Variants in INPP5A observed in about 807,000 individuals in gnomAD.
INPP5A encodes the protein inositol polyphosphate-5-phosphatase A.
A neutral mutation model predicts 65.2 loss-of-function variants in INPP5A; 14 were observed. The observed-to-expected ratio is 0.21, with a 90% CI of 0.14 to 0.34. INPP5A has a LOEUF of 0.34. INPP5A is among the 10% of genes least tolerant of loss of function. The probability of loss-of-function intolerance (pLI) is 1.00; values close to 1 mark genes in which losing one functional copy is unlikely to be tolerated. For synonymous variants in INPP5A, 207 were observed against 208.3 expected (o/e 0.99, Z 0.05); for missense variants, 431 against 545.6 (o/e 0.79, Z 2.09).
At chr10:132,585,410 G>A (rs2133305380) in intron 1 of INPP5A, among the ~76,000 whole-genome samples, 1 of 152,300 alleles carries the variant, frequency 6.6e-6, no homozygotes, top group Admixed American at 6.5e-5. Flanking sequence ...GCCGTATATT[G>A]TCCTAGTTGT....
At chr10:132,585,994 G>A (rs1392198912) in intron 1 of INPP5A, among the ~76,000 whole-genome samples, 8 of 152,172 alleles carry the variant, frequency 5.3e-5, no homozygotes, top group African/African-American at 1.7e-4. Flanking sequence ...CTTGGAACTG[G>A]AGGCCTCCCT....
At chr10:132,731,815 T>C (rs1564988957) in intron 9 of INPP5A, among the ~76,000 whole-genome samples, 1 of 152,244 alleles carries the variant, frequency 6.6e-6, no homozygotes, top group African/African-American at 2.4e-5. Flanking sequence ...ATGTGCTCTG[T>C]GGTTATCACC....
intron 2 of INPP5A, among the ~76,000 whole-genome samples, chr10:132,638,932 C>G (rs1590886384): frequency 6.6e-6 from 1 of 152,090 alleles, no homozygotes; most frequent in South Asian, 2.1e-4. Flanking sequence ...ATATAAGTTA[C>G]ATATATATAT....
chr10:132,579,413 C>T (rs1016677282), intron 1 of INPP5A, among the ~76,000 whole-genome samples: 1 of 152,016 alleles, frequency 6.6e-6, no homozygotes, highest in Non-Finnish European at 1.5e-5. Flanking sequence ...GCAGCTGCAC[C>T]GGTGGCTCTG....
In INPP5A at chr10:132,575,086, C is replaced by T. The variant is rs564407008; in HGVS notation, c.76-32829C>T. On this transcript the variant is annotated intron_variant, in intron 1 of 15. Coordinates refer to ENST00000368594, the MANE Select transcript of INPP5A (RefSeq NM_005539.5). The surrounding 1 kb of genome is among the most constrained non-coding windows in gnomAD (Gnocchi z 5.4). ...GGGTGTCCGTGGAAAACACATGATG[C>T]CAGGTCCACAGGGTGACAGGTGACA... is the stretch of plus-strand genomic sequence containing the variant. Among the ~76,000 whole-genome samples the T allele has an allele frequency of 7.9e-5, 12 of 152,294 alleles. No homozygotes were observed. The highest frequency in any genetic ancestry group is 2.9e-4 in the African/African-American group (12 of 41,560).
In INPP5A at chr10:132,650,529, G is replaced by A. The variant is rs544959296; in HGVS notation, c.306+24G>A. 1 of 1,546,042 alleles carries A rather than the reference G, an allele frequency of 6.5e-7. No individual in the cohort carries two copies. The highest frequency in any genetic ancestry group is 8.9e-7 in the Non-Finnish European group (1 of 1,119,784). On this transcript the variant is annotated intron_variant, in intron 4 of 15. Transcript: ENST00000368594. The surrounding 1 kb of genome is among the most constrained non-coding windows in gnomAD (Gnocchi z 5.5). ...CGGTGAGTCCCTCCCGCTGCCTGGT[G>A]CAGGGGTCAGACAGGCTGGCCTTGG...
At chr10:132,599,401 C>T (rs760248248) in intron 1 of INPP5A, among the ~76,000 whole-genome samples, 17 of 152,266 alleles carry the variant, frequency 1.1e-4, no homozygotes, top group Non-Finnish European at 1.8e-4. Context: ...TCCTTTGACT[C>T]CTGGTCTCAC....
intron 1 of INPP5A, among the ~76,000 whole-genome samples, chr10:132,569,695 G>A (rs1057010323): frequency 6.6e-6 from 1 of 151,766 alleles, no homozygotes; most frequent in Non-Finnish European, 1.5e-5. Flanking sequence ...GTAGAGATGG[G>A]GTTTCGCCAT....
intron 1 of INPP5A, among the ~76,000 whole-genome samples, chr10:132,601,458 A>T (rs1484101554): frequency 6.6e-6 from 1 of 152,188 alleles, no homozygotes; most frequent in Non-Finnish European, 1.5e-5. Context: ...CTTGTCTTTC[A>T]TCCTATTGAT....
intron 1 of INPP5A, among the ~76,000 whole-genome samples, chr10:132,572,793 G>T (rs972005264): frequency 3.9e-5 from 6 of 152,266 alleles, no homozygotes; most frequent in African/African-American, 1.4e-4. Context: ...TCTGCTGGGC[G>T]TCTGTCTGCA....
intron 9 of INPP5A, among the ~76,000 whole-genome samples, chr10:132,742,538 C>T (rs901804821): frequency 2.0e-5 from 3 of 152,212 alleles, no homozygotes; most frequent in Non-Finnish European, 2.9e-5. Context: ...TGTATCTAGT[C>T]CGGCGCCCAG....
At chr10:132,680,571 G>T (rs1233083898) in intron 4 of INPP5A, among the ~76,000 whole-genome samples, 1 of 152,260 alleles carries the variant, frequency 6.6e-6, no homozygotes, top group Non-Finnish European at 1.5e-5. Flanking sequence ...CACTGGAGGA[G>T]CCCTTCAGCC....
At chr10:132,568,426 A>AAATT (rs1230660767) in intron 1 of INPP5A, among the ~76,000 whole-genome samples, 8 of 152,052 alleles carry the variant, frequency 5.3e-5, no homozygotes, top group African/African-American at 1.4e-4. Context: ...TTCCATTTGT[A>AAATT]AATTAAGAAT....
chr10:132,733,975 C>T (rs1291942138), intron 9 of INPP5A, among the ~76,000 whole-genome samples: 3 of 152,234 alleles, frequency 2.0e-5, no homozygotes, highest in Non-Finnish European at 4.4e-5. Context: ...CTCCTGGGAG[C>T]TCCTCAGCAC....
intron 13 of INPP5A, among the ~76,000 whole-genome samples, chr10:132,780,463 A>G (rs1165174824): frequency 6.6e-6 from 1 of 152,248 alleles, no homozygotes; most frequent in Non-Finnish European, 1.5e-5. Context: ...CTGCACAGAA[A>G]GCTGGGGCGC....
At position 132,726,811 on chromosome 10, in the gene INPP5A, T is replaced by C; in HGVS notation, c.648-10T>C. 1.3e-6 allele frequency: 2 copies of C among 1,592,922 alleles called. No individual in the cohort carries two copies. The highest frequency in any genetic ancestry group is 2.3e-5 in the East Asian group (1 of 44,364). On this transcript the variant is annotated splice_polypyrimidine_tract_variant and intron_variant, in intron 8 of 15. Transcript: ENST00000368594. ...GCGCCCTCGGTAACAAGTCCTCTTT[T>C]TCTTTCCAGAATCATTGATCAGCGA...
rs201450761 is a variant in INPP5A, at chr10:132,690,389, C to T, written c.307-3C>T. 4.6e-5 allele frequency: 73 copies of T among 1,594,150 alleles called. No individual in the cohort carries two copies. The highest frequency in any genetic ancestry group is 5.8e-5 in the Non-Finnish European group (68 of 1,162,596). On this transcript the variant is annotated splice_polypyrimidine_tract_variant and splice_region_variant and intron_variant, in intron 4 of 15. Coordinates refer to ENST00000368594, the MANE Select transcript of INPP5A (RefSeq NM_005539.5). ...TCATTTGATTTCTCTTTTTGCTCTACAGGCACTAGGAAGCTTTTATTTTCT... is the reference window on the plus strand; with the variant it reads ...TCATTTGATTTCTCTTTTTGCTCTATAGGCACTAGGAAGCTTTTATTTTCT...
chr10:132,652,015 C>T (rs527710292), intron 4 of INPP5A, among the ~76,000 whole-genome samples: 6 of 152,278 alleles, frequency 3.9e-5, no homozygotes, highest in South Asian at 4.1e-4. Context: ...CTCCTGTCAG[C>T]CTTCCTCCCT....
intron 1 of INPP5A, among the ~76,000 whole-genome samples, chr10:132,556,781 T>G (rs2071132647): frequency 6.6e-6 from 1 of 152,170 alleles, no homozygotes; most frequent in South Asian, 2.1e-4. Flanking sequence ...TGGGGATTTT[T>G]TTTTTTGGTT....
Sources: allele counts gnomAD v4.1 joint callset (sites outside exome capture counted in the v4.1 genomes callset), GRCh38; gene constraint gnomAD v4.1.1; non-coding constraint Gnocchi (gnomAD v3.1); transcripts MANE v1.5; gene names NCBI Gene and HGNC (gene_info 2026-07-23, HGNC 2026-07-21).